The following FMN1 variants were observed in gnomAD, a reference collection of about 807,000 sequenced individuals.
The protein encoded by FMN1 is formin-1.
FMN1 carries 110 observed loss-of-function variants against 132.4 expected under a neutral mutation model. That is an observed-to-expected ratio of 0.83 (90% confidence interval 0.71 to 0.97). FMN1 has a LOEUF of 0.97. FMN1 is among the 50% of genes least tolerant of loss of function. FMN1 has a pLI of 0.00. For synonymous variants in FMN1, 722 were observed against 651.7 expected, an observed-to-expected ratio of 1.11 and a Z score of -1.64; for missense variants, 1,792 against 1,705.3, an observed-to-expected ratio of 1.05 and a Z score of -0.90.
chr15:33,091,846 G>C (rs1322461435), intron 4 of FMN1, among the ~76,000 whole-genome samples: 1 of 152,190 alleles, frequency 6.6e-6, no homozygotes, highest in Non-Finnish European at 1.5e-5. Context: ...AATATATTCT[G>C]TCAAAACAGT....
chr15:33,064,911 G>T, intron 6 of FMN1, 46 bp downstream of exon 6: 3 of 1,328,408 alleles, frequency 2.3e-6, no homozygotes, highest in Non-Finnish European at 2.1e-6. Context: ...AAAAGCCATT[G>T]CAGGAAGAGA....
chr15:32,798,712 G>A lies in FMN1; in HGVS notation c.4130+92C>T, dbSNP rs1023208589. The A allele has an allele frequency of 6.2e-6, 7 of 1,136,040 alleles. No homozygotes were observed. The Admixed American group carries it at 1.2e-4, about 19-fold the overall frequency. The allele number at this position is 1,136,040 out of a possible 1,614,324, so 70.4% of individuals were successfully genotyped here. A position where few individuals can be genotyped will look rare whatever the true frequency, so the allele number is the denominator to read the frequency against. On this transcript the variant is annotated intron_variant, in intron 19 of 20. Coordinates refer to ENST00000616417, the MANE Select transcript of FMN1 (RefSeq NM_001277313.2). ...ACCACTTCATCCGAAAGAAAACATC[G>A]ACAGGTGTGAAATAGACACACTTTG...
chr15:32,910,495 G>A lies in FMN1; in HGVS notation c.3267C>T (p.Thr1089=). ...NVDDSVVDLE[T]LAALYENRAQ... is the part of the protein sequence containing the mutation. ...TCACGTTTTCATATAAGGCTGCCAGGGTCTCCAGATCAACCACGGAGTCAT... is the reference window on the plus strand; with the variant it reads ...TCACGTTTTCATATAAGGCTGCCAGAGTCTCCAGATCAACCACGGAGTCAT... Residue 1089 remains threonine (T), a synonymous_variant, in exon 11 of 21, where the codon ACC becomes ACT. Coordinates refer to ENST00000616417, the MANE Select transcript of FMN1 (RefSeq NM_001277313.2). 6.3e-7 allele frequency: 1 copy of A among 1,580,486 alleles called. No homozygotes were observed. Among genetic ancestry groups the A allele is most frequent in the Non-Finnish European group, 8.6e-7 (1 of 1,162,572 alleles).
chr15:33,072,192 G>A (rs916832566), intron 5 of FMN1, among the ~76,000 whole-genome samples: 1 of 152,144 alleles, frequency 6.6e-6, no homozygotes, highest in African/African-American at 2.4e-5. Context: ...ATCCACCTCA[G>A]ACAACCCACG....
At chr15:32,913,935 A>G (rs771070667) in intron 10 of FMN1, among the ~76,000 whole-genome samples, 122 of 152,176 alleles carry the variant, frequency 8.0e-4, no homozygotes, top group Non-Finnish European at 1.2e-3. Context: ...AAGAAACCAG[A>G]GAGCCTCTAA....
chr15:33,186,147 C>A (rs1199940881), intron 2 of FMN1, among the ~76,000 whole-genome samples: 1 of 151,528 alleles, frequency 6.6e-6, no homozygotes, highest in Non-Finnish European at 1.5e-5. Flanking sequence ...AAGGAAGCCT[C>A]ATGGCCTTCC....
chr15:32,968,670 T>C, intron 8 of FMN1, 44 bp downstream of exon 8: 2 of 1,609,274 alleles, frequency 1.2e-6, no homozygotes, highest in Non-Finnish European at 1.7e-6. Context: ...TTGGGCCAAA[T>C]CCTAGGAATT....
intron 10 of FMN1, among the ~76,000 whole-genome samples, chr15:32,923,957 T>TCAAGTCAAGA (rs1555497155): frequency 6.6e-6 from 1 of 151,708 alleles, no homozygotes; most frequent in Non-Finnish European, 1.5e-5. Context: ...GAGACCACTG[T>TCAAGTCAAGA]CAAGACCGTT....
intron 17 of FMN1, chr15:32,836,963 A>T (rs765399377): frequency 9.3e-4 from 185 of 199,498 alleles, no homozygotes; most frequent in Non-Finnish European, 1.4e-3. Flanking sequence ...AAATAGATGC[A>T]TTTTTTTTTT....
chr15:32,864,796 G>C (rs2059353590), intron 16 of FMN1, among the ~76,000 whole-genome samples: 1 of 152,092 alleles, frequency 6.6e-6, no homozygotes, highest in African/African-American at 2.4e-5. Context: ...AAGCTAATTA[G>C]AACATTGTAC....
At chr15:32,797,653 C>T (rs757419227) in intron 19 of FMN1, among the ~76,000 whole-genome samples, 1 of 152,022 alleles carries the variant, frequency 6.6e-6, no homozygotes, top group Non-Finnish European at 1.5e-5. Context: ...TTCCCATGTT[C>T]CCAAAGAAGT....
chr15:33,016,687 C>T (rs2035066186), intron 6 of FMN1, among the ~76,000 whole-genome samples: 1 of 152,180 alleles, frequency 6.6e-6, no homozygotes, highest in Non-Finnish European at 1.5e-5. Context: ...CCAGCACACA[C>T]GTCAGCAAAA....
At chr15:32,857,492 C>T (rs961309246) in intron 16 of FMN1, among the ~76,000 whole-genome samples, 1 of 152,140 alleles carries the variant, frequency 6.6e-6, no homozygotes, top group Admixed American at 6.5e-5. Flanking sequence ...CTCAGATTCA[C>T]ACTCCAAAAG....
chr15:33,050,248 A>T (rs2036906983), intron 6 of FMN1, among the ~76,000 whole-genome samples: 1 of 152,212 alleles, frequency 6.6e-6, no homozygotes, highest in South Asian at 2.1e-4. Context: ...AAGCATCTGT[A>T]TACATATTGT....
At chr15:33,127,327 C>T (rs1325417703) in intron 4 of FMN1, among the ~76,000 whole-genome samples, 1 of 151,840 alleles carries the variant, frequency 6.6e-6, no homozygotes, top group Non-Finnish European at 1.5e-5. Context: ...CCTCCACATT[C>T]AACCTGGACC....
At chr15:33,106,575 T>A (rs1353497245) in intron 4 of FMN1, among the ~76,000 whole-genome samples, 3 of 152,086 alleles carry the variant, frequency 2.0e-5, no homozygotes, top group African/African-American at 7.2e-5. Context: ...AAACACTCTT[T>A]CCATCCAAGT....
rs2060265823 is a variant in FMN1, at chr15:32,900,361, C to G, written c.3508-236G>C. ...ATTATAAACAGTGCATGTTTTAATA[C>G]ATGAGGATTAACTATTGGTTTTATA... On this transcript the variant is annotated intron_variant, in intron 13 of 20. Coordinates refer to ENST00000616417, the MANE Select transcript of FMN1 (RefSeq NM_001277313.2). The G allele has an allele frequency of 6.0e-6, 4 of 663,498 alleles. No homozygotes were observed. The Admixed American group carries it at 8.6e-5, about 14-fold the overall frequency. 41.1% of individuals were successfully genotyped at this position (663,498 alleles called of 1,614,324 possible). A position where few individuals can be genotyped will look rare whatever the true frequency, so the allele number is the denominator to read the frequency against.
intron 4 of FMN1, among the ~76,000 whole-genome samples, chr15:33,111,950 T>G (rs900188511): frequency 6.6e-6 from 1 of 152,186 alleles, no homozygotes; most frequent in Non-Finnish European, 1.5e-5. Flanking sequence ...GTGTATTATA[T>G]CTTAATAAAG....
intron 17 of FMN1, among the ~76,000 whole-genome samples, chr15:32,847,747 C>T (rs953044764): frequency 1.5e-4 from 23 of 152,040 alleles, no homozygotes; most frequent in Non-Finnish European, 2.5e-4. Flanking sequence ...CCCAGCTACT[C>T]GGGAGGCTAA....
Sources: gnomAD v4.1 joint callset for allele counts (sites outside exome capture counted in the v4.1 genomes callset) on GRCh38, gnomAD v4.1.1 for gene constraint, MANE v1.5 for transcripts, NCBI Gene and HGNC (gene_info 2026-07-23, HGNC 2026-07-21) for gene names.